NALF1: variants seen among roughly 807,000 people sequenced by gnomAD.
The protein encoded by NALF1 is family with sequence similarity 155 member A.
A neutral mutation model predicts 48.4 loss-of-function variants in NALF1; 3 were observed. The observed-to-expected ratio is 0.06, with a 90% confidence interval of 0.03 to 0.16. The LOEUF is 0.16. NALF1 is among the 10% of genes least tolerant of loss of function. The pLI, the probability that NALF1 is intolerant of heterozygous loss-of-function variation, is 1.00. For synonymous variants in NALF1, 262 were observed against 245.7 expected, an observed-to-expected ratio of 1.07 and a Z score of -0.62; for missense variants, 526 against 571.5, an observed-to-expected ratio of 0.92 and a Z score of 0.81.
intron 1 of NALF1, among the ~76,000 whole-genome samples, chr13:107,593,265 G>A (rs1277168579): frequency 6.6e-6 from 1 of 151,766 alleles, no homozygotes; most frequent in Non-Finnish European, 1.5e-5. Flanking sequence ...ATGCATATAA[G>A]TCAACTTCTA....
In NALF1 at chr13:107,829,824, T is replaced by C. The variant is rs79223522; in HGVS notation, c.915+35858A>G. ...ACAGCAGTCTATAAGTTTTGTATTG[T>C]AATAGGAGGGTACATACGATTTTTT... On this transcript the variant is annotated intron_variant, in intron 1 of 2. Coordinates refer to ENST00000375915, the MANE Select transcript of NALF1 (RefSeq NM_001080396.3). Among the ~76,000 whole-genome samples, 1,076 of 152,316 alleles carry C rather than the reference T, an allele frequency of 7.1e-3. 10 individuals carry two copies. The highest frequency in any genetic ancestry group is 0.025 in the African/African-American group (1,035 of 41,576).
In NALF1 at chr13:107,579,539, C is replaced by T. The variant is rs892007094; in HGVS notation, c.915+286143G>A. On this transcript the variant is annotated intron_variant, in intron 1 of 2. Coordinates refer to ENST00000375915, the MANE Select transcript of NALF1 (RefSeq NM_001080396.3). The stretch of plus-strand genomic sequence containing the variant: ...CCACCCTCTCCCCTTGGCCACATGG[C>T]CCCTTGTGTCTCTTTCCTGCCTTCC... Among the ~76,000 whole-genome samples the T allele has an allele frequency of 3.9e-5, 6 of 152,130 alleles. No individual in the cohort carries two copies. The South Asian group carries it at 8.3e-4, about 21-fold the overall frequency.
chr13:107,615,679 T>A (rs1440613590), intron 1 of NALF1, among the ~76,000 whole-genome samples: 1 of 152,084 alleles, frequency 6.6e-6, no homozygotes, highest in Non-Finnish European at 1.5e-5. Flanking sequence ...ATAAAAAGGG[T>A]GGGGTGCACT....
chr13:107,548,172 T>C (rs534870982), intron 1 of NALF1, among the ~76,000 whole-genome samples: 3 of 152,222 alleles, frequency 2.0e-5, no homozygotes, highest in Non-Finnish European at 2.9e-5. Context: ...TTCCCTTGTG[T>C]TCATGAGTTC....
chr13:107,642,925 C>G (rs1880199375), intron 1 of NALF1, among the ~76,000 whole-genome samples: 1 of 152,184 alleles, frequency 6.6e-6, no homozygotes. Context: ...GATGCAGAAG[C>G]ATCGCATTGG....
At chr13:107,225,364 A>G (rs1014006802) in intron 1 of NALF1, among the ~76,000 whole-genome samples, 1 of 151,986 alleles carries the variant, frequency 6.6e-6, no homozygotes, top group Non-Finnish European at 1.5e-5. Context: ...CTGTAGCCTC[A>G]GCCTCCCTGG....
intron 1 of NALF1, among the ~76,000 whole-genome samples, chr13:107,739,997 A>G (rs1333827087): frequency 6.6e-6 from 1 of 152,132 alleles, no homozygotes. Flanking sequence ...CTGATTCTAC[A>G]TTATGGTGAG....
chr13:107,245,263 C>A (rs569928263), intron 1 of NALF1, among the ~76,000 whole-genome samples: 1 of 152,106 alleles, frequency 6.6e-6, no homozygotes, highest in Admixed American at 6.5e-5. Context: ...ATGGTTTTCA[C>A]GTGGATCACT....
At chr13:107,198,295 A>T (rs1344528551) in intron 2 of NALF1, among the ~76,000 whole-genome samples, 3 of 152,238 alleles carry the variant, frequency 2.0e-5, no homozygotes, top group Non-Finnish European at 1.5e-5. Flanking sequence ...TTAATGGGAC[A>T]TAGCACACAC....
At chr13:107,818,337 A>G (rs895572847) in intron 1 of NALF1, among the ~76,000 whole-genome samples, 5 of 152,124 alleles carry the variant, frequency 3.3e-5, no homozygotes, top group African/African-American at 9.7e-5. Context: ...AGTGCCAAAA[A>G]ACTTTTGCTC....
chr13:107,769,771 C>A (rs935879067), intron 1 of NALF1, among the ~76,000 whole-genome samples: 11 of 151,910 alleles, frequency 7.2e-5, no homozygotes, highest in African/African-American at 2.7e-4. Context: ...TCCACCAGTC[C>A]CTGATTAAAT....
At chr13:107,447,569 T>C (rs760607695) in intron 1 of NALF1, among the ~76,000 whole-genome samples, 56 of 152,190 alleles carry the variant, frequency 3.7e-4, no homozygotes, top group Non-Finnish European at 6.9e-4. Context: ...CTTTATGTTT[T>C]AGCTTCTTTA....
chr13:107,809,747 T>C (rs10508192), intron 1 of NALF1, among the ~76,000 whole-genome samples: 8,331 of 152,150 alleles, frequency 0.055, 787 homozygotes, highest in African/African-American at 0.19. Context: ...CTTTCCCAGA[T>C]AGAACGTTCA....
chr13:107,291,187 A>C (rs80337216), intron 1 of NALF1, among the ~76,000 whole-genome samples: 1 of 151,816 alleles, frequency 6.6e-6, no homozygotes, highest in Non-Finnish European at 1.5e-5. Context: ...ATATTTCTTT[A>C]TTCTGGAAGT....
At chr13:107,226,848 C>T (rs1054989941) in intron 1 of NALF1, among the ~76,000 whole-genome samples, 2 of 152,042 alleles carry the variant, frequency 1.3e-5, no homozygotes, top group Non-Finnish European at 2.9e-5. Context: ...TTTGAAAATA[C>T]GAGGCCCAGA....
At chr13:107,777,425 G>A (rs984850046) in intron 1 of NALF1, among the ~76,000 whole-genome samples, 3 of 152,178 alleles carry the variant, frequency 2.0e-5, no homozygotes, top group Non-Finnish European at 4.4e-5. Flanking sequence ...AATCTGCAAT[G>A]CTGGAGGGCC....
intron 2 of NALF1, among the ~76,000 whole-genome samples, chr13:107,200,292 G>A (rs1363467685): frequency 6.6e-6 from 1 of 152,170 alleles, no homozygotes; most frequent in East Asian, 1.9e-4. Context: ...GGGCATCCCA[G>A]GCAGTGGGGC....
intron 1 of NALF1, among the ~76,000 whole-genome samples, chr13:107,301,848 G>C (rs931971218): frequency 1.3e-5 from 2 of 152,104 alleles, no homozygotes; most frequent in African/African-American, 4.8e-5. Context: ...AGCTGTGGTG[G>C]ATTAGGCTGT....
chr13:107,293,987 T>C lies in NALF1; in HGVS notation c.916-83232A>G, dbSNP rs537890896. Among the ~76,000 whole-genome samples the C allele has an allele frequency of 9.2e-5, 14 of 152,336 alleles. No homozygotes were observed. The South Asian group carries it at 2.9e-3, about 32-fold the overall frequency. Reference sequence around the variant, plus strand: ...AAACAAGGGAGGATTTCAGCTTGCCTTAGACCATGTTAGCTACGTCTCTAG... The same window carrying C: ...AAACAAGGGAGGATTTCAGCTTGCCCTAGACCATGTTAGCTACGTCTCTAG... On this transcript the variant is annotated intron_variant, in intron 1 of 2. Coordinates refer to ENST00000375915, the MANE Select transcript of NALF1 (RefSeq NM_001080396.3).
Sources: allele counts gnomAD v4.1 joint callset (sites outside exome capture counted in the v4.1 genomes callset), GRCh38; gene constraint gnomAD v4.1.1; transcripts MANE v1.5; gene names NCBI Gene and HGNC (gene_info 2026-07-23, HGNC 2026-07-21).